The following OPCML variants were observed in gnomAD, a reference collection of about 807,000 sequenced individuals.
The protein encoded by OPCML is opioid-binding protein/cell adhesion molecule.
OPCML carries 13 observed loss-of-function variants against 37.8 expected under a neutral mutation model. The observed-to-expected ratio is 0.34, with a 90% CI of 0.22 to 0.55. The LOEUF is 0.55. Among genes scored for constraint, OPCML ranks in the 20% least tolerant of loss-of-function variants. OPCML has a pLI of 0.91. For synonymous variants in OPCML, 176 were observed against 168.8 expected (o/e 1.04, Z -0.33); for missense variants, 341 against 435.6 (o/e 0.78, Z 1.93).
intron 1 of OPCML, among the ~76,000 whole-genome samples, chr11:132,998,412 C>G (rs1198000232): frequency 6.6e-6 from 1 of 152,128 alleles, no homozygotes; most frequent in Non-Finnish European, 1.5e-5. Flanking sequence ...TACTCTGGGC[C>G]TACTCATGCT....
chr11:132,589,870 C>A (rs1172538145), intron 3 of OPCML, among the ~76,000 whole-genome samples: 2 of 152,136 alleles, frequency 1.3e-5, no homozygotes, highest in African/African-American at 4.8e-5. Flanking sequence ...ATGTTAAGGG[C>A]CAGAGAGAGT....
At chr11:133,332,989 C>T (rs1255036564) in intron 1 of OPCML, among the ~76,000 whole-genome samples, 2 of 152,078 alleles carry the variant, frequency 1.3e-5, no homozygotes, top group Non-Finnish European at 2.9e-5. Flanking sequence ...GAATAGAAAG[C>T]CCAGAAGTAA....
intron 1 of OPCML, among the ~76,000 whole-genome samples, chr11:133,508,379 G>A (rs73025670): frequency 0.067 from 10,273 of 152,274 alleles, 511 homozygotes; most frequent in African/African-American, 0.15. Context: ...AGAACCACTG[G>A]ATGTCAATGT....
At chr11:133,063,226 T>G (rs1229938886) in intron 1 of OPCML, among the ~76,000 whole-genome samples, 1 of 152,140 alleles carries the variant, frequency 6.6e-6, no homozygotes, top group Admixed American at 6.5e-5. Context: ...AACAGACACA[T>G]GTCATACAAC....
At chr11:133,182,677 G>A (rs1937891599) in intron 1 of OPCML, among the ~76,000 whole-genome samples, 1 of 152,208 alleles carries the variant, frequency 6.6e-6, no homozygotes, top group Admixed American at 6.5e-5. Context: ...AGCCAGAGCG[G>A]AGATGCCAAG....
chr11:133,027,043 G>A (rs998441138), intron 1 of OPCML, among the ~76,000 whole-genome samples: 2 of 152,192 alleles, frequency 1.3e-5, no homozygotes, highest in African/African-American at 4.8e-5. Flanking sequence ...TGAAATGCTT[G>A]GGAGTTTCCA....
chr11:133,241,257 A>G (rs1940720571), intron 1 of OPCML, among the ~76,000 whole-genome samples: 1 of 152,228 alleles, frequency 6.6e-6, no homozygotes, highest in African/African-American at 2.4e-5. Context: ...TGAGATCAGT[A>G]ACTATTTTCT....
intron 2 of OPCML, among the ~76,000 whole-genome samples, chr11:132,882,451 C>T (rs560770528): frequency 1.1e-3 from 167 of 152,146 alleles, no homozygotes; most frequent in Non-Finnish European, 2.2e-3. Flanking sequence ...TTCTCCAGTC[C>T]GTCATTTGTG....
In OPCML at chr11:132,437,075, G is replaced by A. The variant is rs540793227; in HGVS notation, c.643+147C>T. 5.9e-6 allele frequency: 8 copies of A among 1,363,512 alleles called. No individual in the cohort carries two copies. In the East Asian group the frequency reaches 7.0e-5, roughly 12 times the overall value. 84.5% of individuals were successfully genotyped at this position (1,363,512 alleles called of 1,614,324 possible). On this transcript the variant is annotated intron_variant, in intron 5 of 7. Coordinates refer to ENST00000524381, the MANE Select transcript of OPCML (RefSeq NM_001012393.5). ...GATTCCAGGGACAAATGGCACGGAGGCCATGGTGGGCAAAGCCATCTGATG... is the reference window on the plus strand; with the variant it reads ...GATTCCAGGGACAAATGGCACGGAGACCATGGTGGGCAAAGCCATCTGATG...
intron 1 of OPCML, among the ~76,000 whole-genome samples, chr11:133,429,806 T>C (rs1813875585): frequency 1.3e-5 from 2 of 152,304 alleles, no homozygotes; most frequent in South Asian, 4.1e-4. Context: ...TAATTTGGGC[T>C]ATGACACATC....
intron 1 of OPCML, among the ~76,000 whole-genome samples, chr11:133,158,091 G>A (rs186203470): frequency 1.9e-3 from 296 of 152,300 alleles, no homozygotes; most frequent in Admixed American, 5.2e-3. Context: ...AAAAAGATAA[G>A]GGTGGAGAGA....
At chr11:132,718,033 G>A (rs1944552204) in intron 2 of OPCML, among the ~76,000 whole-genome samples, 1 of 152,222 alleles carries the variant, frequency 6.6e-6, no homozygotes. Flanking sequence ...TCAAGGTGCA[G>A]TGATAGCAAA....
intron 3 of OPCML, among the ~76,000 whole-genome samples, chr11:132,608,762 C>T (rs1938457649): frequency 6.6e-6 from 1 of 152,146 alleles, no homozygotes; most frequent in Non-Finnish European, 1.5e-5. Flanking sequence ...TAAGGGCTGC[C>T]TGGCATTCAG....
At chr11:132,781,179 G>T (rs575088652) in intron 2 of OPCML, among the ~76,000 whole-genome samples, 1 of 152,096 alleles carries the variant, frequency 6.6e-6, no homozygotes, top group Non-Finnish European at 1.5e-5. Context: ...TTGGTCAACC[G>T]TTATTCTGGG....
intron 1 of OPCML, among the ~76,000 whole-genome samples, chr11:133,074,510 T>C (rs1384021806): frequency 6.6e-6 from 1 of 152,186 alleles, no homozygotes; most frequent in Non-Finnish European, 1.5e-5. Context: ...TATAAACTCT[T>C]AGCCCATGGT....
intron 1 of OPCML, among the ~76,000 whole-genome samples, chr11:133,472,256 A>G (rs951205843): frequency 6.6e-6 from 1 of 152,160 alleles, no homozygotes; most frequent in Non-Finnish European, 1.5e-5. Flanking sequence ...AAACTTTAGT[A>G]GTACAATATG....
At chr11:133,409,819 A>G (rs936021467) in intron 1 of OPCML, among the ~76,000 whole-genome samples, 2 of 152,134 alleles carry the variant, frequency 1.3e-5, no homozygotes, top group African/African-American at 2.4e-5. Flanking sequence ...AATGAAGAAC[A>G]TCTTTGTTCT....
At chr11:132,849,661 C>T (rs1941710616) in intron 2 of OPCML, among the ~76,000 whole-genome samples, 1 of 143,660 alleles carries the variant, frequency 7.0e-6, no homozygotes, top group Admixed American at 6.9e-5. Flanking sequence ...TTAAGCCATG[C>T]AACTATCTTG....
At chr11:133,112,303 AAAAAAAAGGG>A (rs1309814477) in intron 1 of OPCML, among the ~76,000 whole-genome samples, 3 of 143,952 alleles carry the variant, frequency 2.1e-5, no homozygotes. Flanking sequence ...AAAAAAAAAA[AAAAAAAAGGG>A]GAAAGAAACA....
Sources: gnomAD v4.1 joint callset for allele counts (sites outside exome capture counted in the v4.1 genomes callset) on GRCh38, gnomAD v4.1.1 for gene constraint, MANE v1.5 for transcripts, NCBI Gene and HGNC (gene_info 2026-07-23, HGNC 2026-07-21) for gene names.